The following TMTC1 variants were observed in gnomAD, a reference collection of about 807,000 sequenced individuals.
TMTC1 encodes protein O-mannosyl-transferase TMTC1.
In TMTC1, 73 loss-of-function variants were observed where a neutral mutation model predicts 104.8. The observed-to-expected ratio is 0.70, with a 90% CI of 0.58 to 0.85. The LOEUF (loss-of-function observed/expected upper bound fraction) is 0.85, where lower values mean the gene tolerates loss of function less well. TMTC1 is among the 40% of genes least tolerant of loss of function. The pLI is 0.00. For missense variants in TMTC1, 1,035 were observed against 1,096.1 expected, an observed-to-expected ratio of 0.94 and a Z score of 0.79; for synonymous variants, 434 against 428.7, an observed-to-expected ratio of 1.01 and a Z score of -0.15.
At chr12:29,739,117 ATAGGAATC>A (rs1942759032) in intron 5 of TMTC1, among the ~76,000 whole-genome samples, 1 of 152,174 alleles carries the variant, frequency 6.6e-6, no homozygotes, top group Non-Finnish European at 1.5e-5. Flanking sequence ...ACTTTCCTAC[ATAGGAATC>A]TAATTCAGAT....
chr12:29,583,327 T>C, intron 8 of TMTC1, 80 bp downstream of exon 8: 1 of 1,403,392 alleles, frequency 7.1e-7, no homozygotes, highest in Non-Finnish European at 9.7e-7. Context: ...GCCAGGCCCA[T>C]GTTACCTCAT....
chr12:29,751,727 G>A lies in TMTC1; in HGVS notation c.877C>T (p.Pro293Ser). The change falls in exon 5 of 18, where the codon CCA (proline) becomes TCA (serine). Residue 293 changes from proline (P) to serine (S), a missense_variant. Transcript: ENST00000539277. Reference protein sequence around the residue: ...GAWGGCHSPLPPEPKSSGFPV... With the variant: ...GAWGGCHSPLSPEPKSSGFPV... Reference sequence around the variant, plus strand: ...AATCCACTGCTCTTGGGTTCTGGTGGCAGTGGAGAGTGGCAGCCACCCCAA... The same window carrying A: ...AATCCACTGCTCTTGGGTTCTGGTGACAGTGGAGAGTGGCAGCCACCCCAA... 1 of 1,614,138 alleles carries A rather than the reference G, an allele frequency of 6.2e-7. No individual in the cohort carries two copies. The highest frequency in any genetic ancestry group is 8.5e-7 in the Non-Finnish European group (1 of 1,180,024).
chr12:29,632,881 T>C (rs1938366496), intron 6 of TMTC1, among the ~76,000 whole-genome samples: 1 of 152,128 alleles, frequency 6.6e-6, no homozygotes, highest in Non-Finnish European at 1.5e-5. Flanking sequence ...TTATATTAAG[T>C]CAAATAAATT....
rs1289093369 is a variant in TMTC1, at chr12:29,644,045, T to C, written c.939-10709A>G. 1.2e-4 allele frequency among the ~76,000 whole-genome samples: 12 copies of C among 97,082 alleles called. No homozygotes were observed. In the South Asian group the frequency reaches 3.7e-3, roughly 30 times the overall value. The allele number at this position is 97,082 out of a possible 152,430, so 63.7% of individuals were successfully genotyped here. ...TATATATAAATATAAATATATAATT[T>C]ATATATAAATATAAATATATAATTT... On this transcript the variant is annotated intron_variant, in intron 5 of 17. Coordinates refer to ENST00000539277, the MANE Select transcript of TMTC1 (RefSeq NM_001193451.2).
chr12:29,750,980 G>A (rs1943076937), intron 5 of TMTC1, among the ~76,000 whole-genome samples: 1 of 152,196 alleles, frequency 6.6e-6, no homozygotes, highest in Non-Finnish European at 1.5e-5. Context: ...CCAAAGCACT[G>A]GCAGTCTGGA....
chr12:29,548,572 G>A (rs1427268432), intron 10 of TMTC1, among the ~76,000 whole-genome samples: 2 of 152,022 alleles, frequency 1.3e-5, no homozygotes, highest in Admixed American at 6.6e-5. Context: ...CTGCTGCCAT[G>A]TAAGATGTGT....
intron 2 of TMTC1, among the ~76,000 whole-genome samples, chr12:29,763,137 C>A (rs1943389900): frequency 6.6e-6 from 1 of 152,202 alleles, no homozygotes; most frequent in Non-Finnish European, 1.5e-5. Context: ...CGTCCTGCAG[C>A]CTGGCTTCTT....
chr12:29,605,321 G>T (rs191225778), intron 6 of TMTC1, among the ~76,000 whole-genome samples: 1 of 151,872 alleles, frequency 6.6e-6, no homozygotes, highest in Non-Finnish European at 1.5e-5. Context: ...AAAGTATAAC[G>T]ATTTTAAACA....
chr12:29,722,320 T>C (rs1942257909), intron 5 of TMTC1, among the ~76,000 whole-genome samples: 1 of 152,122 alleles, frequency 6.6e-6, no homozygotes, highest in South Asian at 2.1e-4. Flanking sequence ...TATGGCCCAG[T>C]TGGGTTTGAT....
chr12:29,549,415 C>T (rs1945036004), intron 10 of TMTC1, among the ~76,000 whole-genome samples: 1 of 151,984 alleles, frequency 6.6e-6, no homozygotes, highest in Non-Finnish European at 1.5e-5. Context: ...TATGGAAGGT[C>T]TTTCTGGGGT....
intron 5 of TMTC1, chr12:29,658,893 T>A (rs1939884231): frequency 6.6e-6 from 1 of 152,224 alleles, no homozygotes; most frequent in African/African-American, 2.4e-5. Flanking sequence ...AAGGAAGGTA[T>A]TAAAACTGTC....
chr12:29,516,688 TGTGA>T (rs1335487157), intron 14 of TMTC1, among the ~76,000 whole-genome samples: 1 of 152,240 alleles, frequency 6.6e-6, no homozygotes, highest in African/African-American at 2.4e-5. Flanking sequence ...TGCATGCATT[TGTGA>T]GTGAGTGGCA....
In TMTC1 at chr12:29,633,245, G is replaced by A. The variant is rs1441331543; in HGVS notation, c.1030C>T (p.Pro344Ser). Residue 344 changes from proline (P) to serine (S), a missense_variant, in exon 6 of 18, where the codon CCT becomes TCT. Coordinates refer to ENST00000539277, the MANE Select transcript of TMTC1 (RefSeq NM_001193451.2). ...LCYDWQVGSI[P>S]LVETIWDMRN... is the part of the protein sequence containing the mutation. Reference sequence around the variant, plus strand: ...ATGTCCCATATGGTCTCTACCAGAGGAATACTGCCGACCTGCCAGTCATAG... The same window carrying A: ...ATGTCCCATATGGTCTCTACCAGAGAAATACTGCCGACCTGCCAGTCATAG... 4.3e-6 allele frequency: 7 copies of A among 1,613,998 alleles called. No individual in the cohort carries two copies. The highest frequency in any genetic ancestry group is 1.1e-5 in the South Asian group (1 of 91,068).
chr12:29,702,652 C>G (rs140064637), intron 5 of TMTC1, among the ~76,000 whole-genome samples: 1,660 of 152,300 alleles, frequency 0.011, 35 homozygotes, highest in African/African-American at 0.037. Context: ...TCAATGGGAA[C>G]AGACTACACA....
intron 9 of TMTC1, among the ~76,000 whole-genome samples, chr12:29,562,429 A>G (rs1945399776): frequency 6.6e-6 from 1 of 152,200 alleles, no homozygotes; most frequent in Non-Finnish European, 1.5e-5. Context: ...TAGGAAATGA[A>G]TCATTTTAAA....
intron 6 of TMTC1, among the ~76,000 whole-genome samples, chr12:29,629,713 T>C (rs1057438736): frequency 6.6e-6 from 1 of 152,154 alleles, no homozygotes; most frequent in Non-Finnish European, 1.5e-5. Context: ...GGGTATTTTA[T>C]GGGGTAATGA....
intron 7 of TMTC1, among the ~76,000 whole-genome samples, chr12:29,603,654 G>A (rs1383528443): frequency 6.6e-6 from 1 of 152,070 alleles, no homozygotes; most frequent in Non-Finnish European, 1.5e-5. Flanking sequence ...AACATTCAGA[G>A]CTAAGTGGCA....
rs1438514 is a variant in TMTC1 at position 29,734,170 on chromosome 12, T to C, written c.938+17496A>G. Among the ~76,000 whole-genome samples the C allele has an allele frequency of 7.8e-3, 1,184 of 152,336 alleles. 11 individuals carry two copies. The highest frequency in any genetic ancestry group is 9.5e-3 in the Non-Finnish European group (648 of 68,034). ...AAGGTATCTACTTAAACTATGATTCTCTTTTTCCTAATTCAATACTGCCTT... is the reference window on the plus strand; with the variant it reads ...AAGGTATCTACTTAAACTATGATTCCCTTTTTCCTAATTCAATACTGCCTT... On this transcript the variant is annotated intron_variant, in intron 5 of 17. Coordinates refer to ENST00000539277, the MANE Select transcript of TMTC1 (RefSeq NM_001193451.2).
intron 6 of TMTC1, among the ~76,000 whole-genome samples, chr12:29,627,050 G>A (rs759890165): frequency 3.9e-5 from 6 of 152,138 alleles, no homozygotes; most frequent in South Asian, 2.1e-4. Flanking sequence ...GCAGTGAGCC[G>A]AGATTGCGCC....
Sources: allele counts gnomAD v4.1 joint callset (sites outside exome capture counted in the v4.1 genomes callset), GRCh38; gene constraint gnomAD v4.1.1; transcripts MANE v1.5; gene names NCBI Gene and HGNC (gene_info 2026-07-23, HGNC 2026-07-21).